Variants in GMPPA observed in about 807,000 individuals in gnomAD.
GMPPA encodes mannose-1-phosphate guanylyltransferase regulatory subunit alpha.
In GMPPA, 46 loss-of-function variants were observed where a neutral mutation model predicts 58.6. The observed-to-expected ratio is 0.78, with a 90% confidence interval of 0.62 to 1.00. The LOEUF (loss-of-function observed/expected upper bound fraction) is 1.00. Ranked by LOEUF, GMPPA falls within the 50% of genes least tolerant of loss-of-function variation. The probability of loss-of-function intolerance (pLI) is 0.00; values close to 1 mark genes in which losing one functional copy is unlikely to be tolerated. For synonymous variants in GMPPA, 211 were observed against 214.9 expected (o/e 0.98, Z 0.16); for missense variants, 468 against 556.4 (o/e 0.84, Z 1.60).
chr2:219,501,746 T>A, intron 4 of GMPPA, 105 bp from the exon 5 acceptor site: 3 of 1,012,730 alleles, frequency 3.0e-6, no homozygotes, highest in African/African-American at 1.6e-5. Flanking sequence ...CTGTGGGCCT[T>A]GGGCAGGAGT....
chr2:219,506,632 G>A, intron 12 of GMPPA, 66 bp from the exon 13 acceptor site: 1 of 1,041,746 alleles, frequency 9.6e-7, no homozygotes, highest in Non-Finnish European at 1.5e-6. Flanking sequence ...GCTGGCAGTG[G>A]CCCCCAGCTC....
chr2:219,504,226 C>T lies in GMPPA; in HGVS notation c.620+13C>T, dbSNP rs766430658. The stretch of plus-strand genomic sequence containing the variant: ...AGGATGGGCAATTGTGAGGCAGGCC[C>T]CATAGCCCTGTGACCCCAAGTACCC... On this transcript the variant is annotated intron_variant, in intron 7 of 12. Coordinates refer to ENST00000313597, the MANE Select transcript of GMPPA (RefSeq NM_013335.4). 4 of 1,613,092 alleles carry T rather than the reference C, an allele frequency of 2.5e-6. No individual in the cohort carries two copies. The highest frequency in any genetic ancestry group is 2.7e-5 in the African/African-American group (2 of 74,838).
At position 219,506,279 on chromosome 2, in the gene GMPPA, T is replaced by A; in HGVS notation, c.1019T>A (p.Ile340Asn). The A allele has an allele frequency of 6.2e-7, 1 of 1,613,392 alleles. No individual in the cohort carries two copies. Among genetic ancestry groups the A allele is most frequent in the African/African-American group, 1.3e-5 (1 of 75,022 alleles). ...GAGCACACGTGTGTTCTGCATAGCA[T>A]CGTGGGCTGGGGGAGCACCGTGGGA... is the stretch of plus-strand genomic sequence containing the variant. Reference protein sequence around the residue: ...LQEHTCVLHSIVGWGSTVGRW... With the variant: ...LQEHTCVLHSNVGWGSTVGRW... The change falls in exon 12 of 13, where the codon ATC becomes AAC. Residue 340 changes from isoleucine (I) to asparagine (N), a missense_variant. By Grantham distance (149) the Ile-to-Asn change is moderately radical (BLOSUM62 -3). Transcript: ENST00000313597.
chr2:219,500,393 C>A (rs1017944270), intron 3 of GMPPA, 175 bp downstream of exon 3: 1 of 607,106 alleles, frequency 1.6e-6, no homozygotes, highest in Admixed American at 2.8e-5. Context: ...TGCTGTCTTC[C>A]CCTAATCTAG....
At chr2:219,504,039 C>T (rs769829702) in intron 6 of GMPPA, 44 bp from the exon 7 acceptor site, 13 of 1,608,808 alleles carry the variant, frequency 8.1e-6, no homozygotes, top group Admixed American at 3.3e-5. Context: ...GGGACTGTGG[C>T]GGTAGTCCCT....
rs1229554196 is a variant in GMPPA at position 219,502,497 on chromosome 2, C to T, written c.489+56C>T. 1 of 1,378,618 alleles carries T rather than the reference C, an allele frequency of 7.3e-7. No homozygotes were observed. Among genetic ancestry groups the T allele is most frequent in the South Asian group, 1.2e-5 (1 of 85,068 alleles). 85.4% of individuals were successfully genotyped at this position (1,378,618 alleles called of 1,614,324 possible). A position where few individuals can be genotyped will look rare whatever the true frequency, so the allele number is the denominator to read the frequency against. Reference sequence around the variant, plus strand: ...CTACTCTGTGTCATCATCCCCTCTACCTCAGGCCTCTAGAGAATGCTGGCA... The same window carrying T: ...CTACTCTGTGTCATCATCCCCTCTATCTCAGGCCTCTAGAGAATGCTGGCA... On this transcript the variant is annotated intron_variant, in intron 6 of 12. Coordinates refer to ENST00000313597, the MANE Select transcript of GMPPA (RefSeq NM_013335.4). The surrounding 1 kb of genome is among the most constrained non-coding windows in gnomAD (Gnocchi z 4.0).
intron 12 of GMPPA, 27 bp from the exon 13 acceptor site, chr2:219,506,671 C>T (rs752982343): frequency 1.5e-6 from 2 of 1,353,316 alleles, no homozygotes; most frequent in Non-Finnish European, 2.1e-6. Context: ...CCCATGACCT[C>T]CCCTGGTGCC....
chr2:219,505,124 A>G, intron 7 of GMPPA, 104 bp from the exon 8 acceptor site: 1 of 1,288,584 alleles, frequency 7.8e-7, no homozygotes, highest in Non-Finnish European at 1.1e-6. Flanking sequence ...AGGGGCTTAG[A>G]GAGGTGGTGG....
rs1370306874 is a variant in GMPPA, at chr2:219,504,112, A to G, written c.519A>G (p.Thr173=). 1.9e-6 allele frequency: 3 copies of G among 1,614,076 alleles called. No individual in the cohort carries two copies. The highest frequency in any genetic ancestry group is 1.7e-5 in the Admixed American group (1 of 60,016). Residue 173 remains threonine, a synonymous_variant, in exon 7 of 13, where the codon ACA becomes ACG. Transcript: ENST00000313597. ...TGCACTATGTGGAGAAACCCAGCAC[A>G]TTTATCAGTGACATCATCAACTGCG... ...EVLHYVEKPS[T]FISDIINCGI... is the part of the protein sequence containing the mutation.
intron 6 of GMPPA, among the ~76,000 whole-genome samples, chr2:219,503,494 G>T (rs1559447273): frequency 6.6e-6 from 1 of 152,140 alleles, no homozygotes; most frequent in African/African-American, 2.4e-5. Context: ...ACACACACAT[G>T]CATGTACACA....
At chr2:219,504,869 G>T in intron 7 of GMPPA, 1 of 1,104,614 alleles carries the variant, frequency 9.1e-7, no homozygotes, top group Non-Finnish European at 1.1e-6. Flanking sequence ...TTGCTCTGGG[G>T]TGAGTCTGTC....
chr2:219,500,754 C>T lies in GMPPA; in HGVS notation c.138+536C>T, dbSNP rs148247569. 3.7e-3 allele frequency: 591 copies of T among 158,700 alleles called. 2 individuals carry two copies. The highest frequency in any genetic ancestry group is 6.8e-3 in the Non-Finnish European group (495 of 72,444). The allele number at this position is 158,700 out of a possible 1,614,324, so 9.8% of individuals were successfully genotyped here. On this transcript the variant is annotated intron_variant, in intron 3 of 12. Transcript: ENST00000313597. ...GATATTTGTAAAATGCCTAGTACAA[C>T]GCAGACCCTTGATAAATGGTACCCT...
In GMPPA at chr2:219,502,444, G is replaced by T. The variant is rs1559446807; in HGVS notation, c.489+3G>T. 3 of 1,613,028 alleles carry T rather than the reference G, an allele frequency of 1.9e-6. No homozygotes were observed. In the Admixed American group the frequency reaches 5.0e-5, roughly 27 times the overall value. ...TTGAGAATCCACAGACACACGAGGTGAGAGCAGAGTGGGGGCTGGGTGGGT... is the reference window on the plus strand; with the variant it reads ...TTGAGAATCCACAGACACACGAGGTTAGAGCAGAGTGGGGGCTGGGTGGGT... On this transcript the variant is annotated splice_donor_region_variant and intron_variant, in intron 6 of 12. Coordinates refer to ENST00000313597, the MANE Select transcript of GMPPA (RefSeq NM_013335.4). The surrounding 1 kb of genome is among the most constrained non-coding windows in gnomAD (Gnocchi z 4.0).
At chr2:219,501,300 G>A in intron 3 of GMPPA, 176 bp from the exon 4 acceptor site, 2 of 612,538 alleles carry the variant, frequency 3.3e-6, no homozygotes. Context: ...TCAGGCCTCC[G>A]ACTTCCTCCA....
intron 10 of GMPPA, 40 bp from the exon 11 acceptor site, chr2:219,505,940 A>G: frequency 2.1e-6 from 3 of 1,400,432 alleles, no homozygotes; most frequent in East Asian, 2.5e-5. Flanking sequence ...GGGATCCTCC[A>G]AGTCCCTCCA....
In GMPPA at chr2:219,499,971, C is replaced by T; in HGVS notation, c.-5C>T. ...GAATTTGAAGTTTAGGTAGCAGTCA[C>T]CATTATGCTCAAAGCGGTGATCCTG... On this transcript the variant is annotated 5_prime_UTR_variant, in exon 2 of 13. Coordinates refer to ENST00000313597, the MANE Select transcript of GMPPA (RefSeq NM_013335.4). 1 of 1,613,350 alleles carries T rather than the reference C, an allele frequency of 6.2e-7. No homozygotes were observed.
chr2:219,502,233 G>T lies in GMPPA; in HGVS notation c.430-149G>T. 2.4e-6 allele frequency: 2 copies of T among 836,812 alleles called. No individual in the cohort carries two copies. Among genetic ancestry groups the T allele is most frequent in the Non-Finnish European group, 3.9e-6 (2 of 508,968 alleles). 51.8% of individuals were successfully genotyped at this position (836,812 alleles called of 1,614,324 possible). ...TCTGGCTGTTCAGAAGTAGGGAGGGGGAGGGCAGCTGTCAGTTTCCACCCT... is the reference window on the plus strand; with the variant it reads ...TCTGGCTGTTCAGAAGTAGGGAGGGTGAGGGCAGCTGTCAGTTTCCACCCT... On this transcript the variant is annotated intron_variant, in intron 5 of 12. Coordinates refer to ENST00000313597, the MANE Select transcript of GMPPA (RefSeq NM_013335.4). This position sits in a 1 kb window ranked among gnomAD's most constrained non-coding sequence, Gnocchi z 4.0.
intron 3 of GMPPA, 93 bp from the exon 4 acceptor site, chr2:219,501,383 A>G (rs994543012): frequency 4.9e-6 from 4 of 812,276 alleles, no homozygotes; most frequent in African/African-American, 1.7e-5. Flanking sequence ...TGAGACTGAA[A>G]CTGGTTTCTG....
Position 219,504,764 on chromosome 2 carries a change from T to C in GMPPA, c.621-464T>C, listed in dbSNP as rs746217553. ...GTGTCTCTGCTTCCCTCTCCATCTC[T>C]CCTGGCCTCTCTGTCTCTGTCTCTG... On this transcript the variant is annotated intron_variant, in intron 7 of 12. Coordinates refer to ENST00000313597, the MANE Select transcript of GMPPA (RefSeq NM_013335.4). 2.3e-4 allele frequency: 151 copies of C among 659,844 alleles called. 1 individual carries two copies. Among genetic ancestry groups the C allele is most frequent in the Non-Finnish European group, 2.8e-4 (144 of 517,274 alleles). The allele number at this position is 659,844 out of a possible 1,614,324, so 40.9% of individuals were successfully genotyped here.
Sources: gnomAD v4.1 joint callset for allele counts (sites outside exome capture counted in the v4.1 genomes callset) on GRCh38, gnomAD v4.1.1 for gene constraint, Gnocchi (gnomAD v3.1) non-coding constraint, MANE v1.5 for transcripts, NCBI Gene and HGNC (gene_info 2026-07-23, HGNC 2026-07-21) for gene names.